Variants in MAST4 observed in about 807,000 individuals in gnomAD.
The protein encoded by MAST4 is microtubule-associated serine/threonine-protein kinase 4.
In MAST4, 89 loss-of-function variants were observed where a neutral mutation model predicts 162.7. The observed-to-expected ratio is 0.55, with a 90% CI of 0.46 to 0.65. The LOEUF is 0.65. Among genes scored for constraint, MAST4 ranks in the 30% least tolerant of loss-of-function variants. MAST4 has a pLI of 0.00. For synonymous variants in MAST4, 1,479 were observed against 1,361.1 expected (o/e 1.09, Z -1.91); for missense variants, 3,153 against 3,374.0 (o/e 0.93, Z 1.62).
intron 4 of MAST4, among the ~76,000 whole-genome samples, chr5:67,021,581 G>A (rs1327790909): frequency 2.0e-5 from 3 of 152,184 alleles, no homozygotes; most frequent in African/African-American, 7.2e-5. Context: ...GGAGCAATAA[G>A]ATTTTTTTGG....
chr5:66,785,484 C>T (rs116387104), intron 2 of MAST4, among the ~76,000 whole-genome samples: 2,202 of 152,046 alleles, frequency 0.014, 51 homozygotes, highest in African/African-American at 0.049. Context: ...TGATTTTTGC[C>T]CATTTGTGTA....
Position 66,638,897 on chromosome 5 carries a change from T to TG in MAST4, c.363+41883dup, listed in dbSNP as rs575090886. Among the ~76,000 whole-genome samples the TG allele has an allele frequency of 1.9e-3, 283 of 152,262 alleles. 1 individual carries two copies. Among genetic ancestry groups the TG allele is most frequent in the African/African-American group, 6.6e-3 (273 of 41,556 alleles). ...TGTAATTGGGTGCCATTTACTGAGA[T>TG]GGGGAAACGAAGAACACTTTTGGGG... On this transcript the variant is annotated intron_variant, in intron 1 of 28. Transcript: ENST00000403625.
At chr5:66,963,874 T>TGCAATCC in intron 4 of MAST4, 2 of 772,330 alleles carry the variant, frequency 2.6e-6, no homozygotes, top group Admixed American at 3.4e-5. Context: ...CTTCAGACTC[T>TGCAATCC]GCAATCCACA....
intron 4 of MAST4, among the ~76,000 whole-genome samples, chr5:66,986,292 G>A (rs1377722419): frequency 6.6e-6 from 1 of 152,124 alleles, no homozygotes; most frequent in African/African-American, 2.4e-5. Context: ...TGCAGAGTCT[G>A]GAAAGGGAAA....
At chr5:67,156,830 G>A (rs1468625655) in intron 26 of MAST4, among the ~76,000 whole-genome samples, 1 of 152,192 alleles carries the variant, frequency 6.6e-6, no homozygotes, top group Admixed American at 6.5e-5. Flanking sequence ...CAGTCGTTCG[G>A]TGAGTTACCC....
At chr5:66,677,558 A>G (rs1748032252) in intron 1 of MAST4, among the ~76,000 whole-genome samples, 1 of 152,224 alleles carries the variant, frequency 6.6e-6, no homozygotes, top group South Asian at 2.1e-4. Flanking sequence ...GGTGATTTAA[A>G]AAAATCCCTC....
intron 19 of MAST4, among the ~76,000 whole-genome samples, chr5:67,141,712 AG>A (rs1770430920): frequency 6.6e-6 from 1 of 152,228 alleles, no homozygotes; most frequent in Non-Finnish European, 1.5e-5. Flanking sequence ...TTACCTCCAG[AG>A]GAAATGTTGC....
chr5:66,921,481 G>C (rs943514809), intron 4 of MAST4, among the ~76,000 whole-genome samples: 3 of 152,132 alleles, frequency 2.0e-5, no homozygotes, highest in African/African-American at 2.4e-5. Context: ...CTGCGGCCAG[G>C]CATGGTGGCT....
At chr5:67,008,208 A>C (rs1752272997) in intron 4 of MAST4, among the ~76,000 whole-genome samples, 1 of 152,236 alleles carries the variant, frequency 6.6e-6, no homozygotes, top group Non-Finnish European at 1.5e-5. Context: ...GGCATAAATG[A>C]AGAGACTTTA....
At chr5:66,909,529 G>T (rs12520670) in intron 4 of MAST4, among the ~76,000 whole-genome samples, 18,787 of 152,138 alleles carry the variant, frequency 0.12, 1,363 homozygotes, top group Admixed American at 0.15. Context: ...TCTTTATTTC[G>T]TAAACAAGGA....
At position 66,726,859 on chromosome 5, in the gene MAST4, C is replaced by T. The variant is rs550336005; in HGVS notation, c.364-32850C>T. On this transcript the variant is annotated intron_variant, in intron 1 of 28. Transcript: ENST00000403625. Reference sequence around the variant, plus strand: ...TCTAATCCTGCCCCTACCCCCAGTCCGTGGAAAAATTGTCTTCCATGAAAC... The same window carrying T: ...TCTAATCCTGCCCCTACCCCCAGTCTGTGGAAAAATTGTCTTCCATGAAAC... 3.9e-5 allele frequency among the ~76,000 whole-genome samples: 6 copies of T among 152,144 alleles called. No individual in the cohort carries two copies. The East Asian group carries it at 5.8e-4, about 15-fold the overall frequency.
intron 4 of MAST4, among the ~76,000 whole-genome samples, chr5:66,951,634 G>GTGTGTGTGTATGTA (rs1744706876): frequency 1.2e-4 from 18 of 148,622 alleles, no homozygotes; most frequent in African/African-American, 3.1e-4. Context: ...GTGTGTGTGT[G>GTGTGTGTGTATGTA]TGTGTGTGTG....
intron 4 of MAST4, chr5:67,004,500 ACT>A (rs1157484968): frequency 6.5e-6 from 1 of 153,516 alleles, no homozygotes; most frequent in Non-Finnish European, 1.4e-5. Context: ...CCAAAAGGAA[ACT>A]CGGCACTGGG....
rs371443518 is a variant in MAST4, at chr5:66,974,985, CCTTA to C, written c.674+75008_674+75011del. On this transcript the variant is annotated intron_variant, in intron 4 of 28. Coordinates refer to ENST00000403625, the MANE Select transcript of MAST4 (RefSeq NM_001164664.2). ...TAACCTCTGAAACCTGTAAACATTACCTTACTTAGGAAAAAAGGAGTCTTTGCAG... is the reference window on the plus strand; with the variant it reads ...TAACCTCTGAAACCTGTAAACATTACCTTAGGAAAAAAGGAGTCTTTGCAG... Among the ~76,000 whole-genome samples, 27 of 152,238 alleles carry C rather than the reference CCTTA, an allele frequency of 1.8e-4. No individual in the cohort carries two copies. The South Asian group carries it at 3.9e-3, about 22-fold the overall frequency.
At chr5:67,018,802 C>G (rs1267346804) in intron 4 of MAST4, among the ~76,000 whole-genome samples, 4 of 152,106 alleles carry the variant, frequency 2.6e-5, no homozygotes, top group Non-Finnish European at 2.9e-5. Context: ...ACCTTATTTG[C>G]TTTGCAAAAT....
chr5:66,995,860 C>A (rs1053309851), intron 4 of MAST4, among the ~76,000 whole-genome samples: 1 of 150,182 alleles, frequency 6.7e-6, no homozygotes, highest in African/African-American at 2.5e-5. Flanking sequence ...TGAGAGACAG[C>A]AAGATGCTCT....
intron 1 of MAST4, among the ~76,000 whole-genome samples, chr5:66,754,384 G>T (rs982406021): frequency 6.6e-6 from 1 of 152,166 alleles, no homozygotes; most frequent in African/African-American, 2.4e-5. Flanking sequence ...CAAATGATGT[G>T]GTTTGCCATA....
chr5:66,727,652 T>C lies in MAST4; in HGVS notation c.364-32057T>C, dbSNP rs140513728. ...GTTAAAGAGCTGCACACAAGGATGG[T>C]TATTTGTGTTGCAGATGTCATTTAT... On this transcript the variant is annotated intron_variant, in intron 1 of 28. Coordinates refer to ENST00000403625, the MANE Select transcript of MAST4 (RefSeq NM_001164664.2). 3.9e-5 allele frequency among the ~76,000 whole-genome samples: 6 copies of C among 152,236 alleles called. No individual in the cohort carries two copies. In the East Asian group the frequency reaches 1.2e-3, roughly 29 times the overall value.
chr5:67,053,504 G>T (rs897783520), intron 4 of MAST4, among the ~76,000 whole-genome samples: 4 of 152,164 alleles, frequency 2.6e-5, no homozygotes, highest in African/African-American at 9.7e-5. Flanking sequence ...GAGGTAACTT[G>T]CTGGGTTTTA....
Sources: gnomAD v4.1 joint callset for allele counts (sites outside exome capture counted in the v4.1 genomes callset) on GRCh38, gnomAD v4.1.1 for gene constraint, MANE v1.5 for transcripts, NCBI Gene and HGNC (gene_info 2026-07-23, HGNC 2026-07-21) for gene names.